The following BBX variants were observed in gnomAD, a reference collection of about 807,000 sequenced individuals.
The protein encoded by BBX is BBX high mobility group box domain containing.
A neutral mutation model predicts 100.2 loss-of-function variants in BBX; 30 were observed. That is an observed-to-expected ratio of 0.30 (90% CI 0.22 to 0.41). The LOEUF is 0.41. BBX is among the 10% of genes least tolerant of loss of function. The pLI is 1.00. For synonymous variants in BBX, 376 were observed against 388.1 expected (o/e 0.97, Z 0.37); for missense variants, 1,023 against 1,129.8 (o/e 0.91, Z 1.35).
intron 2 of BBX, among the ~76,000 whole-genome samples, chr3:107,621,949 C>T (rs970570754): frequency 2.0e-5 from 3 of 152,054 alleles, no homozygotes; most frequent in African/African-American, 4.8e-5. Flanking sequence ...TTTAATTTTT[C>T]GATTACCAGC....
intron 2 of BBX, among the ~76,000 whole-genome samples, chr3:107,532,714 T>C (rs1262604652): frequency 6.6e-6 from 1 of 152,182 alleles, no homozygotes; most frequent in African/African-American, 2.4e-5. Context: ...CAAATACACA[T>C]TGACACAAAA....
intron 3 of BBX, among the ~76,000 whole-genome samples, chr3:107,679,091 T>G (rs1334868149): frequency 6.6e-6 from 1 of 151,610 alleles, no homozygotes; most frequent in Admixed American, 6.6e-5. Context: ...AAAGTGAAAT[T>G]AAGCAGGATG....
At chr3:107,701,815 T>TTA (rs72435882) in intron 3 of BBX, among the ~76,000 whole-genome samples, 2 of 148,330 alleles carry the variant, frequency 1.3e-5, no homozygotes, top group African/African-American at 4.9e-5. Context: ...TTCTCATCTG[T>TTA]AAAAAAAAAA....
chr3:107,608,521 T>C (rs2054607098), intron 2 of BBX, among the ~76,000 whole-genome samples: 1 of 152,166 alleles, frequency 6.6e-6, no homozygotes, highest in African/African-American at 2.4e-5. Context: ...TGTTCTTTTT[T>C]GCTTAGGATG....
rs137971824 is a variant in BBX at position 107,550,556 on chromosome 3, C to G, written c.-84+24158C>G. Among the ~76,000 whole-genome samples the G allele has an allele frequency of 2.6e-3, 399 of 152,240 alleles. 2 individuals are homozygous for G. Among genetic ancestry groups the G allele is most frequent in the African/African-American group, 9.2e-3 (381 of 41,524 alleles). ...GTTTTGGTGAGGGGTAAACCGCAAG[C>G]AATGGCATGCCAGAGATTGGGAAGT... On this transcript the variant is annotated intron_variant, in intron 2 of 17. Coordinates refer to ENST00000325805, the MANE Select transcript of BBX (RefSeq NM_001142568.3).
chr3:107,731,058 G>A (rs2063287372), intron 6 of BBX, among the ~76,000 whole-genome samples: 1 of 152,176 alleles, frequency 6.6e-6, no homozygotes, highest in Non-Finnish European at 1.5e-5. Flanking sequence ...AGAAGGGAAA[G>A]CTGTGTAGAT....
intron 2 of BBX, among the ~76,000 whole-genome samples, chr3:107,625,628 T>C (rs2056113523): frequency 6.6e-6 from 1 of 152,184 alleles, no homozygotes; most frequent in Non-Finnish European, 1.5e-5. Flanking sequence ...CATCAGTTAT[T>C]TTTTTGTATG....
At chr3:107,769,809 A>T (rs749317877) in intron 10 of BBX, among the ~76,000 whole-genome samples, 1 of 152,186 alleles carries the variant, frequency 6.6e-6, no homozygotes, top group Non-Finnish European at 1.5e-5. Flanking sequence ...TCTCAGGAAT[A>T]CTGTAGTAAA....
intron 3 of BBX, among the ~76,000 whole-genome samples, chr3:107,660,399 C>A (rs1375901265): frequency 6.6e-6 from 1 of 150,770 alleles, no homozygotes; most frequent in African/African-American, 2.4e-5. Flanking sequence ...GTGTTCATAC[C>A]ACTCATATTT....
At chr3:107,668,486 C>T (rs1246911860) in intron 3 of BBX, among the ~76,000 whole-genome samples, 1 of 152,140 alleles carries the variant, frequency 6.6e-6, no homozygotes, top group African/African-American at 2.4e-5. Flanking sequence ...TTCTATGAGC[C>T]CGGAGCTGCT....
At chr3:107,751,522 T>C (rs911821747) in intron 9 of BBX, among the ~76,000 whole-genome samples, 1 of 152,140 alleles carries the variant, frequency 6.6e-6, no homozygotes, top group Non-Finnish European at 1.5e-5. Context: ...CGAAAATGTT[T>C]TGTTTGTTTT....
In BBX at chr3:107,690,590, C is replaced by T. The variant is rs538130251; in HGVS notation, c.-9-19862C>T. The stretch of plus-strand genomic sequence containing the variant: ...GCCTTAATGATATAAAGAGCTTCTT[C>T]AGTGATTTCCCAGGTTTATATGGTT... On this transcript the variant is annotated intron_variant, in intron 3 of 17. Transcript: ENST00000325805. Among the ~76,000 whole-genome samples the T allele has an allele frequency of 1.1e-3, 168 of 152,234 alleles. 2 individuals carry two copies. The highest frequency in any genetic ancestry group is 4.0e-3 in the African/African-American group (165 of 41,548).
intron 2 of BBX, among the ~76,000 whole-genome samples, chr3:107,555,751 G>T (rs1347032164): frequency 6.6e-6 from 1 of 152,150 alleles, no homozygotes; most frequent in Non-Finnish European, 1.5e-5. Flanking sequence ...TGAAATCATG[G>T]ATGAAGCATC....
chr3:107,576,564 G>A (rs530716306), intron 2 of BBX, among the ~76,000 whole-genome samples: 1 of 152,224 alleles, frequency 6.6e-6, no homozygotes, highest in Admixed American at 6.5e-5. Flanking sequence ...ACATGTGTGT[G>A]AAAGCCAAAA....
In BBX at chr3:107,677,878, A is replaced by G. The variant is rs552496689; in HGVS notation, c.-10+31969A>G. On this transcript the variant is annotated intron_variant, in intron 3 of 17. Transcript: ENST00000325805. The stretch of plus-strand genomic sequence containing the variant: ...TTAAAAGCTTATTGTTTACGGAACT[A>G]TAAGTATACCCCAACGTCTTCTTTT... Among the ~76,000 whole-genome samples, 5 of 152,296 alleles carry G rather than the reference A, an allele frequency of 3.3e-5. 1 individual carries two copies. In the East Asian group the frequency reaches 7.7e-4, roughly 23 times the overall value.
chr3:107,593,816 T>C (rs2107599295), intron 2 of BBX, among the ~76,000 whole-genome samples: 1 of 152,276 alleles, frequency 6.6e-6, no homozygotes. Context: ...CCAAACAGGC[T>C]TTAGTTTTAT....
chr3:107,663,580 C>G (rs2058576343), intron 3 of BBX, among the ~76,000 whole-genome samples: 1 of 151,954 alleles, frequency 6.6e-6, no homozygotes, highest in South Asian at 2.1e-4. Context: ...TATGTACCCC[C>G]TACATTAAAT....
chr3:107,784,546 T>C (rs185483464), intron 13 of BBX, among the ~76,000 whole-genome samples: 26 of 152,044 alleles, frequency 1.7e-4, no homozygotes, highest in Admixed American at 1.6e-3. Flanking sequence ...AATACACTTC[T>C]ACATAACTGT....
intron 2 of BBX, among the ~76,000 whole-genome samples, chr3:107,603,283 AGT>A (rs201639734): frequency 0.01 from 1,557 of 152,084 alleles, 30 homozygotes; most frequent in Non-Finnish European, 9.8e-3. Context: ...TTTTGAAAAA[AGT>A]GTGTAAAATG....
Sources: allele counts gnomAD v4.1 joint callset (sites outside exome capture counted in the v4.1 genomes callset), GRCh38; gene constraint gnomAD v4.1.1; transcripts MANE v1.5; gene names NCBI Gene and HGNC (gene_info 2026-07-23, HGNC 2026-07-21).